HPSE: variants seen among roughly 807,000 people sequenced by gnomAD.
HPSE encodes heparanase.
In HPSE, 48 loss-of-function variants were observed where a neutral mutation model predicts 65.1. That is an observed-to-expected ratio of 0.74 (90% confidence interval 0.58 to 0.94). HPSE has a LOEUF of 0.94. Among genes scored for constraint, HPSE ranks in the 40% least tolerant of loss-of-function variants. The probability of loss-of-function intolerance (pLI) is 0.00; values close to 1 mark genes in which losing one functional copy is unlikely to be tolerated. For synonymous variants in HPSE, 243 were observed against 260.0 expected (o/e 0.93, Z 0.63); for missense variants, 644 against 637.5 (o/e 1.01, Z -0.11).
At chr4:83,305,498 C>T (rs950931232) in intron 9 of HPSE, among the ~76,000 whole-genome samples, 6 of 152,158 alleles carry the variant, frequency 3.9e-5, no homozygotes, top group Non-Finnish European at 7.4e-5. Flanking sequence ...AGCTTTCCTA[C>T]AACATTCAAA....
intron 4 of HPSE, among the ~76,000 whole-genome samples, chr4:83,311,251 G>C (rs373469676): frequency 6.6e-6 from 1 of 152,266 alleles, no homozygotes. Context: ...GCCATAGTGA[G>C]CCATGATCAC....
rs1165617688 is a variant in HPSE, at chr4:83,293,789, A to C, written c.*1555T>G. 1 of 152,188 alleles carries C rather than the reference A, an allele frequency of 6.6e-6. No homozygotes were observed. The highest frequency in any genetic ancestry group is 2.1e-4 in the South Asian group (1 of 4,828). The allele number at this position is 152,188 out of a possible 1,614,324, so 9.4% of individuals were successfully genotyped here. On this transcript the variant is annotated 3_prime_UTR_variant, in exon 12 of 12. Transcript: ENST00000311412. ...CATATCTAACAATCTGTCCTCTCAC[A>C]TATTATTGCTGACAAAGAAAACCGA...
Position 83,322,785 on chromosome 4 carries a change from TTGTTTGTGTGTGTGTGTGTG to T in HPSE, c.228-441_228-422del, listed in dbSNP as rs1279527043. Among the ~76,000 whole-genome samples the T allele has an allele frequency of 8.9e-5, 7 of 78,878 alleles. No individual in the cohort carries two copies. In the East Asian group the frequency reaches 1.4e-3, roughly 16 times the overall value. 51.7% of individuals were successfully genotyped at this position (78,878 alleles called of 152,430 possible). A position where few individuals can be genotyped will look rare whatever the true frequency, so the allele number is the denominator to read the frequency against. The stretch of plus-strand genomic sequence containing the variant: ...TTGTAGCTCTAATTCTGGCAAGAGC[TTGTTTGTGTGTGTGTGTGTG>T]TGTGTGTGTGTGTGTGTGTGTGTGT... On this transcript the variant is annotated intron_variant, in intron 1 of 11. Coordinates refer to ENST00000311412, the MANE Select transcript of HPSE (RefSeq NM_001098540.3).
intron 3 of HPSE, among the ~76,000 whole-genome samples, chr4:83,317,556 T>C (rs186166668): frequency 6.6e-6 from 1 of 152,316 alleles, no homozygotes; most frequent in African/African-American, 2.4e-5. Flanking sequence ...ACTAACCTGG[T>C]TGCATAGTTA....
intron 3 of HPSE, among the ~76,000 whole-genome samples, chr4:83,316,986 T>C (rs1736679507): frequency 6.6e-6 from 1 of 152,146 alleles, no homozygotes; most frequent in Admixed American, 6.6e-5. Flanking sequence ...CCACAACCTC[T>C]GCCTCCCAGA....
At chr4:83,322,686 T>C (rs1032497168) in intron 1 of HPSE, among the ~76,000 whole-genome samples, 14 of 151,924 alleles carry the variant, frequency 9.2e-5, no homozygotes, top group African/African-American at 3.4e-4. Flanking sequence ...AGAAAGGGAA[T>C]CATTGTTTAA....
At chr4:83,307,858 T>C (rs1736202326) in intron 8 of HPSE, among the ~76,000 whole-genome samples, 1 of 152,200 alleles carries the variant, frequency 6.6e-6, no homozygotes, top group South Asian at 2.1e-4. Flanking sequence ...TGTGAGGATA[T>C]AGCAGTATAG....
rs532286869 is a variant in HPSE, at chr4:83,301,552, T to A, written c.1326-446A>T. On this transcript the variant is annotated intron_variant, in intron 10 of 11. Transcript: ENST00000311412. Reference sequence around the variant, plus strand: ...TATAAGAAAATTAAATCTACTGACATTTTTTATGAATTTATCCATTCAAAC... The same window carrying A: ...TATAAGAAAATTAAATCTACTGACAATTTTTATGAATTTATCCATTCAAAC... Among the ~76,000 whole-genome samples, 4 of 152,306 alleles carry A rather than the reference T, an allele frequency of 2.6e-5. No homozygotes were observed. In the South Asian group the frequency reaches 8.3e-4, roughly 32 times the overall value.
In HPSE at chr4:83,293,843, C is replaced by G. The variant is rs1735631345; in HGVS notation, c.*1501G>C. 6.6e-6 allele frequency: 1 copy of G among 152,170 alleles called. No homozygotes were observed. Among genetic ancestry groups the G allele is most frequent in the Non-Finnish European group, 1.5e-5 (1 of 68,026 alleles). 9.4% of individuals were successfully genotyped at this position (152,170 alleles called of 1,614,324 possible). A position where few individuals can be genotyped will look rare whatever the true frequency, so the allele number is the denominator to read the frequency against. ...AAGAAAATCAGCAAAATCTAGCTGT[C>G]TTTTAAGGTGCAAATAGATAGTTTC... On this transcript the variant is annotated 3_prime_UTR_variant, in exon 12 of 12. Transcript: ENST00000311412.
intron 5 of HPSE, 59 bp from the exon 6 acceptor site, chr4:83,310,137 G>T (rs528652616): frequency 8.8e-7 from 1 of 1,141,454 alleles, no homozygotes; most frequent in South Asian, 1.3e-5. Flanking sequence ...CACAATATAC[G>T]CATGAGAGTT....
chr4:83,308,337 C>G (rs180856157), intron 8 of HPSE, among the ~76,000 whole-genome samples: 138 of 152,238 alleles, frequency 9.1e-4, no homozygotes, highest in African/African-American at 3.3e-3. Flanking sequence ...ATCCGGGAGG[C>G]AGAGGTTGCA....
At chr4:83,304,905 A>G (rs780334515) in intron 9 of HPSE, among the ~76,000 whole-genome samples, 1 of 152,180 alleles carries the variant, frequency 6.6e-6, no homozygotes, top group Non-Finnish European at 1.5e-5. Flanking sequence ...GGGATTTTTA[A>G]GAGTAACATA....
rs1033220022 is a variant in HPSE at position 83,301,118 on chromosome 4, G to A, written c.1326-12C>T. On this transcript the variant is annotated splice_polypyrimidine_tract_variant and intron_variant, in intron 10 of 11. Coordinates refer to ENST00000311412, the MANE Select transcript of HPSE (RefSeq NM_001098540.3). Reference sequence around the variant, plus strand: ...CTTTATACCTTGGACTAAAAGCAAAGAGGTTAACTTAATAGAAATATGTAT... The same window carrying A: ...CTTTATACCTTGGACTAAAAGCAAAAAGGTTAACTTAATAGAAATATGTAT... The A allele has an allele frequency of 6.5e-7, 1 of 1,539,912 alleles. No homozygotes were observed. Among genetic ancestry groups the A allele is most frequent in the Non-Finnish European group, 8.8e-7 (1 of 1,135,286 alleles).
chr4:83,334,723 CG>C lies in HPSE; in HGVS notation c.59del (p.Pro20ArgfsTer33), dbSNP rs775624902. On this transcript the variant is annotated frameshift_variant, in exon 1 of 12. Coordinates refer to ENST00000311412, the MANE Select transcript of HPSE (RefSeq NM_001098540.3). LOFTEE classifies it high-confidence loss of function. ...PPPLMLLLLG[P>X]LGPLSPGALP... ...GGGCGCCAGGGGAGAGGGGACCCAG[CG>C]GCCCCAGGAGCAGCAGCATCAGCGG... 33 of 1,563,506 alleles carry C rather than the reference CG, an allele frequency of 2.1e-5. No homozygotes were observed. Among genetic ancestry groups the C allele is most frequent in the Non-Finnish European group, 2.8e-5 (32 of 1,153,874 alleles).
chr4:83,301,223 T>G (rs1448361924), intron 10 of HPSE, 117 bp from the exon 11 acceptor site: 1 of 612,698 alleles, frequency 1.6e-6, no homozygotes, highest in Non-Finnish European at 2.7e-6. Flanking sequence ...TAATGCATCC[T>G]AAGTATTAGG....
intron 1 of HPSE, among the ~76,000 whole-genome samples, chr4:83,332,361 T>C (rs1252309558): frequency 6.6e-6 from 1 of 152,328 alleles, no homozygotes; most frequent in Non-Finnish European, 1.5e-5. Flanking sequence ...CTCCCTCTTT[T>C]AGGTCTTAGC....
At chr4:83,297,339 C>CT (rs80243948) in intron 11 of HPSE, among the ~76,000 whole-genome samples, 2,904 of 141,070 alleles carry the variant, frequency 0.021, 82 homozygotes, top group African/African-American at 0.066. Flanking sequence ...CTGTACATAC[C>CT]TTTTTTTTTT....
At chr4:83,319,250 A>G in intron 3 of HPSE, 94 bp downstream of exon 3, 3 of 1,261,416 alleles carry the variant, frequency 2.4e-6, no homozygotes, top group Non-Finnish European at 3.4e-6. Flanking sequence ...AGCTTTATAC[A>G]ACTTCCGTAG....
At chr4:83,332,215 C>T (rs905141956) in intron 1 of HPSE, among the ~76,000 whole-genome samples, 21 of 152,250 alleles carry the variant, frequency 1.4e-4, no homozygotes, top group African/African-American at 5.1e-4. Context: ...TCTTACTCTC[C>T]TCTACTGTGG....
Sources: allele counts gnomAD v4.1 joint callset (sites outside exome capture counted in the v4.1 genomes callset), GRCh38; gene constraint gnomAD v4.1.1; transcripts MANE v1.5; gene names NCBI Gene and HGNC (gene_info 2026-07-23, HGNC 2026-07-21).